C8orf34: variants seen among roughly 807,000 people sequenced by gnomAD.
The protein encoded by C8orf34 is uncharacterized protein C8orf34.
Under a neutral mutation model 68.3 loss-of-function variants are expected in C8orf34, and 65 were observed. The ratio of observed to expected loss-of-function variants is 0.95; its 90% confidence interval spans 0.78 to 1.17. The LOEUF is 1.17. Ranked by LOEUF, C8orf34 falls within the 50% of genes most tolerant of loss-of-function variation. C8orf34 has a pLI of 0.00. For missense variants in C8orf34, 664 were observed against 655.4 expected (o/e 1.01, Z -0.14); for synonymous variants, 244 against 241.2 (o/e 1.01, Z -0.11).
chr8:68,396,664 A>G (rs908931692), intron 1 of C8orf34, among the ~76,000 whole-genome samples: 8 of 141,510 alleles, frequency 5.7e-5, no homozygotes, highest in African/African-American at 1.8e-4. Context: ...CTGTCCTTCC[A>G]GTAATGAGTG....
At chr8:68,487,875 T>C in intron 4 of C8orf34, 148 bp from the exon 5 acceptor site, 1 of 550,440 alleles carries the variant, frequency 1.8e-6, no homozygotes, top group Non-Finnish European at 3.3e-6. Flanking sequence ...GGTAAAAGGA[T>C]GTGCCACATT....
chr8:68,348,983 G>T (rs765395777), intron 1 of C8orf34, among the ~76,000 whole-genome samples: 33 of 151,934 alleles, frequency 2.2e-4, no homozygotes, highest in Non-Finnish European at 4.3e-4. Flanking sequence ...GATTGCCCTG[G>T]CCAGGGCTTC....
chr8:68,340,697 C>T (rs1806034431), intron 1 of C8orf34, among the ~76,000 whole-genome samples: 1 of 152,100 alleles, frequency 6.6e-6, no homozygotes, highest in Admixed American at 6.5e-5. Context: ...CAGCCCAAAC[C>T]AATTCAATGA....
At chr8:68,535,616 TTTAA>T (rs2129864462) in intron 7 of C8orf34, 3 of 676,122 alleles carry the variant, frequency 4.4e-6, no homozygotes, top group Non-Finnish European at 5.5e-6. Context: ...CTGATTAATA[TTTAA>T]TTATTCACAG....
rs2129627832 is a variant in C8orf34, at chr8:68,453,909, G to T, written c.607+7449G>T. Among the ~76,000 whole-genome samples, 2 of 152,106 alleles carry T rather than the reference G, an allele frequency of 1.3e-5. 1 individual carries two copies. The highest frequency in any genetic ancestry group is 1.3e-4 in the Admixed American group (2 of 15,286). ...TCATGGGGTGTGGTGTTAGCTGTGA[G>T]TTTTTCCAAAATGCCTTTTATCATG... is the stretch of plus-strand genomic sequence containing the variant. On this transcript the variant is annotated intron_variant, in intron 3 of 13. Transcript: ENST00000518698.
At chr8:68,806,429 A>G (rs1237652872) in intron 12 of C8orf34, among the ~76,000 whole-genome samples, 1 of 152,176 alleles carries the variant, frequency 6.6e-6, no homozygotes, top group African/African-American at 2.4e-5. Context: ...ATAAAAATCA[A>G]GAAAGTTTTT....
chr8:68,430,295 C>T (rs181323701), intron 1 of C8orf34, among the ~76,000 whole-genome samples: 139 of 152,296 alleles, frequency 9.1e-4, no homozygotes, highest in African/African-American at 3.1e-3. Context: ...AGCTCCTGTA[C>T]TTGGGATCCT....
Position 68,445,651 on chromosome 8 carries a change from G to A in C8orf34, c.476-678G>A, listed in dbSNP as rs145798594. ...GAATATCAATGATTTTACTTGTCAT[G>A]ATAGATAAGGTGGCATCAAGTGAGT... On this transcript the variant is annotated intron_variant, in intron 2 of 13. Coordinates refer to ENST00000518698, the MANE Select transcript of C8orf34 (RefSeq NM_052958.4). 2.1e-3 allele frequency among the ~76,000 whole-genome samples: 323 copies of A among 152,242 alleles called. 1 individual carries two copies. The highest frequency in any genetic ancestry group is 7.0e-3 in the African/African-American group (291 of 41,540).
intron 10 of C8orf34, among the ~76,000 whole-genome samples, chr8:68,755,652 C>A (rs1369698217): frequency 6.6e-6 from 1 of 152,320 alleles, no homozygotes; most frequent in Admixed American, 6.5e-5. Flanking sequence ...CTTGCCTTCT[C>A]TTGTGTAGAC....
intron 10 of C8orf34, among the ~76,000 whole-genome samples, chr8:68,750,534 T>C (rs1183123741): frequency 6.6e-6 from 1 of 152,140 alleles, no homozygotes; most frequent in Non-Finnish European, 1.5e-5. Context: ...TAGATAGTTG[T>C]GATGGTTGCA....
chr8:68,796,683 T>A (rs2129529382), intron 12 of C8orf34, among the ~76,000 whole-genome samples: 1 of 152,334 alleles, frequency 6.6e-6, no homozygotes, highest in East Asian at 1.9e-4. Context: ...GGGGAAATGT[T>A]GTCCATTATT....
chr8:68,350,361 G>C (rs543373071), intron 1 of C8orf34, among the ~76,000 whole-genome samples: 8 of 151,720 alleles, frequency 5.3e-5, no homozygotes, highest in Non-Finnish European at 8.8e-5. Flanking sequence ...TTATGTAGCT[G>C]ATTTTAGAGT....
chr8:68,528,088 A>G (rs1005520692), intron 6 of C8orf34, among the ~76,000 whole-genome samples: 2 of 152,154 alleles, frequency 1.3e-5, no homozygotes, highest in African/African-American at 2.4e-5. Flanking sequence ...CCTTTCTCTG[A>G]ACATTCAAAT....
At chr8:68,431,406 A>T (rs1242306469) in intron 1 of C8orf34, among the ~76,000 whole-genome samples, 1 of 152,208 alleles carries the variant, frequency 6.6e-6, no homozygotes, top group Admixed American at 6.5e-5. Flanking sequence ...AATGTATTTG[A>T]GTTTTTTGAA....
At chr8:68,624,748 T>A (rs1415488201) in intron 7 of C8orf34, among the ~76,000 whole-genome samples, 2 of 152,150 alleles carry the variant, frequency 1.3e-5, no homozygotes, top group Admixed American at 1.3e-4. Context: ...TTTATTTATT[T>A]ATTATTTTTT....
At chr8:68,528,539 T>C (rs1463401372) in intron 6 of C8orf34, among the ~76,000 whole-genome samples, 1 of 152,212 alleles carries the variant, frequency 6.6e-6, no homozygotes, top group Non-Finnish European at 1.5e-5. Context: ...TTTACTCTCC[T>C]GGAAAAACTC....
intron 7 of C8orf34, among the ~76,000 whole-genome samples, chr8:68,633,138 GT>G (rs1309641255): frequency 2.0e-5 from 3 of 152,162 alleles, no homozygotes; most frequent in African/African-American, 7.2e-5. Flanking sequence ...GAAAATGAGT[GT>G]TTCTACCTCT....
intron 1 of C8orf34, among the ~76,000 whole-genome samples, chr8:68,398,985 G>C (rs957308576): frequency 6.6e-6 from 1 of 151,916 alleles, no homozygotes; most frequent in African/African-American, 2.4e-5. Context: ...TTATTGTCTT[G>C]AAATTCCTAA....
chr8:68,726,057 C>T (rs556240942), intron 10 of C8orf34, among the ~76,000 whole-genome samples: 4 of 152,176 alleles, frequency 2.6e-5, no homozygotes, highest in South Asian at 2.1e-4. Context: ...TACAGGCGCA[C>T]GCCGCCACAC....
Sources: gnomAD v4.1 joint callset for allele counts (sites outside exome capture counted in the v4.1 genomes callset) on GRCh38, gnomAD v4.1.1 for gene constraint, MANE v1.5 for transcripts, NCBI Gene and HGNC (gene_info 2026-07-23, HGNC 2026-07-21) for gene names.